The following DPP10 variants were observed in gnomAD, a reference collection of about 807,000 sequenced individuals.
DPP10 encodes inactive dipeptidyl peptidase 10.
DPP10 carries 33 observed loss-of-function variants against 120.9 expected under a neutral mutation model. That is an observed-to-expected ratio of 0.27 (90% CI 0.21 to 0.37). DPP10 has a LOEUF of 0.37. DPP10 is among the 10% of genes least tolerant of loss of function. The probability of loss-of-function intolerance (pLI) is 1.00; values close to 1 mark genes in which losing one functional copy is unlikely to be tolerated. For synonymous variants in DPP10, 337 were observed against 326.1 expected (o/e 1.03, Z -0.36); for missense variants, 816 against 942.8 (o/e 0.87, Z 1.76).
At chr2:115,155,583 C>T (rs1236140791) in intron 1 of DPP10, among the ~76,000 whole-genome samples, 1 of 152,202 alleles carries the variant, frequency 6.6e-6, no homozygotes, top group Non-Finnish European at 1.5e-5. Context: ...TCCTCCTCCT[C>T]TGATGCTTAC....
intron 1 of DPP10, among the ~76,000 whole-genome samples, chr2:114,975,645 A>G (rs116210195): frequency 0.014 from 2,181 of 152,164 alleles, 50 homozygotes; most frequent in African/African-American, 0.051. Context: ...TGCTTTATTT[A>G]TTTATTCATT....
chr2:114,744,420 G>A (rs908528260), intron 1 of DPP10, among the ~76,000 whole-genome samples: 8 of 152,148 alleles, frequency 5.3e-5, no homozygotes, highest in African/African-American at 9.7e-5. Context: ...AAGACTGAAC[G>A]GTAGTTGAAT....
intron 21 of DPP10, among the ~76,000 whole-genome samples, chr2:115,818,952 C>G (rs1687537834): frequency 6.6e-6 from 1 of 152,140 alleles, no homozygotes; most frequent in South Asian, 2.1e-4. Context: ...ATATCTGTGA[C>G]TGAGTTATAA....
chr2:114,815,647 T>G (rs1036060678), intron 1 of DPP10, among the ~76,000 whole-genome samples: 1 of 152,176 alleles, frequency 6.6e-6, no homozygotes, highest in South Asian at 2.1e-4. Context: ...ATTTCAGTCA[T>G]CACTAAATAC....
At position 115,551,876 on chromosome 2, in the gene DPP10, T is replaced by TA. The variant is rs767231528; in HGVS notation, c.441+25911dup. Among the ~76,000 whole-genome samples the TA allele has an allele frequency of 1.5e-3, 225 of 152,220 alleles. 1 individual carries two copies. Among genetic ancestry groups the TA allele is most frequent in the Non-Finnish European group, 1.6e-4 (11 of 67,990 alleles). ...ACAAGAAAACTCAAACACAGTTGGTTAAAAAAAGCTAGTTATTAATTTCAA... is the reference window on the plus strand; with the variant it reads ...ACAAGAAAACTCAAACACAGTTGGTTAAAAAAAAGCTAGTTATTAATTTCAA... On this transcript the variant is annotated intron_variant, in intron 5 of 25. Coordinates refer to ENST00000410059, the MANE Select transcript of DPP10 (RefSeq NM_020868.6).
intron 1 of DPP10, among the ~76,000 whole-genome samples, chr2:114,541,691 A>G (rs1686966230): frequency 6.6e-6 from 1 of 152,218 alleles, no homozygotes; most frequent in East Asian, 1.9e-4. Flanking sequence ...GCATGTTACC[A>G]AAGCACATTG....
At chr2:114,480,889 CAA>C (rs138654295) in intron 1 of DPP10, among the ~76,000 whole-genome samples, 1 of 150,368 alleles carries the variant, frequency 6.7e-6, no homozygotes, top group African/African-American at 2.4e-5. Flanking sequence ...CCCCAAAAAA[CAA>C]AAAAAACAAA....
intron 3 of DPP10, among the ~76,000 whole-genome samples, chr2:115,472,437 T>C (rs2074791380): frequency 6.6e-6 from 1 of 152,214 alleles, no homozygotes; most frequent in African/African-American, 2.4e-5. Context: ...ACTGTTATTT[T>C]ATTCTCAATA....
Position 115,836,710 on chromosome 2 carries a change from G to A in DPP10, c.2146G>A (p.Glu716Lys). The change falls in exon 24 of 26, where the codon GAA (glutamate) becomes AAA (lysine). Residue 716 changes from glutamate to lysine, a missense_variant. Transcript: ENST00000410059. ...GCTACATAATGTTCATGGCTTGAAA[G>A]AAGAAAATATATTAATAATTCATGG... ...SVLHNVHGLK[E>K]ENILIIHGTA... 4 of 1,613,224 alleles carry A rather than the reference G, an allele frequency of 2.5e-6. No homozygotes were observed. The highest frequency in any genetic ancestry group is 3.4e-6 in the Non-Finnish European group (4 of 1,179,666).
chr2:115,746,200 T>C lies in DPP10; in HGVS notation c.950+17T>C. The C allele has an allele frequency of 1.9e-6, 3 of 1,586,534 alleles. No homozygotes were observed. Among genetic ancestry groups the C allele is most frequent in the Non-Finnish European group, 2.6e-6 (3 of 1,157,220 alleles). ...TAAATCAAGGTATGCAATTTCAATTTCACTTTTATGGGGAAATAGATATTT... is the reference window on the plus strand; with the variant it reads ...TAAATCAAGGTATGCAATTTCAATTCCACTTTTATGGGGAAATAGATATTT... On this transcript the variant is annotated intron_variant, in intron 10 of 25. Coordinates refer to ENST00000410059, the MANE Select transcript of DPP10 (RefSeq NM_020868.6).
intron 7 of DPP10, among the ~76,000 whole-genome samples, chr2:115,711,244 A>G (rs1399034129): frequency 6.6e-6 from 1 of 152,138 alleles, no homozygotes; most frequent in East Asian, 1.9e-4. Flanking sequence ...ATTAATTTGC[A>G]GAAAAGAAAT....
intron 7 of DPP10, among the ~76,000 whole-genome samples, chr2:115,699,916 C>T (rs550849351): frequency 6.2e-4 from 94 of 152,234 alleles, no homozygotes; most frequent in Non-Finnish European, 9.9e-4. Context: ...CTTCTCACAT[C>T]GCTATAAAGA....
At chr2:114,741,055 T>C (rs1367151692) in intron 1 of DPP10, among the ~76,000 whole-genome samples, 1 of 152,222 alleles carries the variant, frequency 6.6e-6, no homozygotes, top group Non-Finnish European at 1.5e-5. Flanking sequence ...GTTATTAAAA[T>C]AATTTTACAA....
At chr2:114,516,367 T>C (rs1255763192) in intron 1 of DPP10, among the ~76,000 whole-genome samples, 2 of 152,194 alleles carry the variant, frequency 1.3e-5, no homozygotes, top group Admixed American at 1.3e-4. Context: ...CCCTGCAAAG[T>C]CCATTCTTCC....
At chr2:114,954,276 G>T (rs1448922023) in intron 1 of DPP10, among the ~76,000 whole-genome samples, 1 of 151,722 alleles carries the variant, frequency 6.6e-6, no homozygotes, top group African/African-American at 2.4e-5. Flanking sequence ...GTAGAGACAG[G>T]GTTTCACCGT....
At chr2:115,288,587 T>TG (rs1320171159) in intron 1 of DPP10, among the ~76,000 whole-genome samples, 4 of 151,156 alleles carry the variant, frequency 2.6e-5, no homozygotes, top group Non-Finnish European at 5.9e-5. Flanking sequence ...CAGGCCTGGT[T>TG]GGGGGGGAGC....
intron 1 of DPP10, among the ~76,000 whole-genome samples, chr2:114,614,595 AT>A (rs1031603318): frequency 6.6e-6 from 1 of 152,160 alleles, no homozygotes; most frequent in African/African-American, 2.4e-5. Context: ...TAGTTGCTTG[AT>A]TTTTATTGCC....
At chr2:114,613,966 C>T (rs919327203) in intron 1 of DPP10, among the ~76,000 whole-genome samples, 2 of 151,750 alleles carry the variant, frequency 1.3e-5, no homozygotes, top group African/African-American at 2.4e-5. Flanking sequence ...CAGGGCCTGT[C>T]GGGGGTTGGG....
intron 5 of DPP10, among the ~76,000 whole-genome samples, chr2:115,598,839 T>G (rs1342005677): frequency 1.3e-5 from 2 of 150,644 alleles, no homozygotes; most frequent in Non-Finnish European, 3.0e-5. Context: ...TAATAACATG[T>G]TTTTTGGAGT....
Sources: allele counts gnomAD v4.1 joint callset (sites outside exome capture counted in the v4.1 genomes callset), GRCh38; gene constraint gnomAD v4.1.1; transcripts MANE v1.5; gene names NCBI Gene and HGNC (gene_info 2026-07-23, HGNC 2026-07-21).